GSG1: variants seen among roughly 807,000 people sequenced by gnomAD.
The protein encoded by GSG1 is germ cell associated 1.
A neutral mutation model predicts 30.8 loss-of-function variants in GSG1; 28 were observed. The ratio of observed to expected loss-of-function variants is 0.91; its 90% CI spans 0.67 to 1.25. The LOEUF (loss-of-function observed/expected upper bound fraction) is 1.25. Ranked by LOEUF, GSG1 falls within the 50% of genes most tolerant of loss-of-function variation. The pLI, the probability that GSG1 is intolerant of heterozygous loss-of-function variation, is 0.00. For synonymous variants in GSG1, 162 were observed against 178.0 expected (o/e 0.91, Z 0.71); for missense variants, 435 against 444.7 (o/e 0.98, Z 0.20).
chr12:13,089,807 T>C (rs1865907838), intron 2 of GSG1, among the ~76,000 whole-genome samples: 1 of 152,154 alleles, frequency 6.6e-6, no homozygotes, highest in Non-Finnish European at 1.5e-5. Context: ...TCTCAGCACT[T>C]TGGGAGGCCG....
intron 6 of GSG1, 80 bp from the exon 7 acceptor site, chr12:13,085,323 A>G (rs1430943193): frequency 2.3e-6 from 3 of 1,299,866 alleles, no homozygotes; most frequent in Non-Finnish European, 2.1e-6. Context: ...TCTTCCTACT[A>G]GTGGACTAGC....
chr12:13,088,029 A>G lies in GSG1; in HGVS notation c.512T>C (p.Ile171Thr). ...EILWLSLGTQITYIGLQFISF... is the reference protein window; with the variant it reads ...EILWLSLGTQTTYIGLQFISF... ...GATGAATTGAAGTCCGATGTAGGTG[A>G]TCTGCGTTCCCAGGGATAACCATAG... Residue 171 changes from isoleucine to threonine, a missense_variant, in exon 5 of 7, where the codon ATC becomes ACC. Transcript: ENST00000651961. The G allele has an allele frequency of 6.2e-7, 1 of 1,614,262 alleles. No individual in the cohort carries two copies. The highest frequency in any genetic ancestry group is 8.5e-7 in the Non-Finnish European group (1 of 1,180,038).
rs147237069 is a variant in GSG1, at chr12:13,095,643, G to C, written c.49-4825C>G. The C allele has an allele frequency of 6.4e-5, 103 of 1,614,192 alleles. 3 individuals carry two copies. In the South Asian group the frequency reaches 1.1e-3, roughly 17 times the overall value. On this transcript the variant is annotated intron_variant, in intron 1 of 6. Coordinates refer to ENST00000651961, the MANE Select transcript of GSG1 (RefSeq NM_001080555.4). ...TTGCAGCTTGTCTGGAAGAACCGAA[G>C]GATGCCATCTGCACTCCAAGTCCCT...
chr12:13,088,047 A>G lies in GSG1; in HGVS notation c.494T>C (p.Leu165Ser). ...GTAGGTGATCTGCGTTCCCAGGGATAACCATAGGATTTCTGCCAGAAACCA... is the reference window on the plus strand; with the variant it reads ...GTAGGTGATCTGCGTTCCCAGGGATGACCATAGGATTTCTGCCAGAAACCA... ...TPPAKREILW[L>S]SLGTQITYIG... The change falls in exon 5 of 7, where the codon TTA becomes TCA. Residue 165 changes from leucine to serine, a missense_variant. Leu to Ser is a moderately radical substitution (Grantham distance 145, BLOSUM62 -2). Transcript: ENST00000651961. 6.2e-7 allele frequency: 1 copy of G among 1,614,248 alleles called. No homozygotes were observed. Among genetic ancestry groups the G allele is most frequent in the Non-Finnish European group, 8.5e-7 (1 of 1,180,038 alleles).
At position 13,093,145 on chromosome 12, in the gene GSG1, A is replaced by T. The variant is rs1866323736; in HGVS notation, c.49-2327T>A. ...TGTAAAATAACATTAATACATATAA[A>T]TATATAATTATATAATTAATAATTG... On this transcript the variant is annotated intron_variant, in intron 1 of 6. Transcript: ENST00000651961. This position sits in a 1 kb window ranked among gnomAD's most constrained non-coding sequence, Gnocchi z 4.6. Among the ~76,000 whole-genome samples the T allele has an allele frequency of 6.6e-6, 1 of 151,212 alleles. No individual in the cohort carries two copies. Among genetic ancestry groups the T allele is most frequent in the Non-Finnish European group, 1.5e-5 (1 of 67,816 alleles).
chr12:13,091,423 A>G (rs1166781116), intron 1 of GSG1, among the ~76,000 whole-genome samples: 1 of 152,270 alleles, frequency 6.6e-6, no homozygotes, highest in Non-Finnish European at 1.5e-5. Context: ...AGATCAGGCC[A>G]GATGCAGTGG....
intron 3 of GSG1, 48 bp from the exon 4 acceptor site, chr12:13,088,957 T>G: frequency 6.2e-7 from 1 of 1,606,312 alleles, no homozygotes; most frequent in Non-Finnish European, 8.5e-7. Context: ...CTGGGATGGT[T>G]GGAATGAAAA....
intron 1 of GSG1, among the ~76,000 whole-genome samples, chr12:13,100,468 A>C (rs564036905): frequency 1.3e-5 from 2 of 152,338 alleles, no homozygotes; most frequent in African/African-American, 2.4e-5. Context: ...TGATGATCTC[A>C]TGAAATAGTA....
intron 2 of GSG1, among the ~76,000 whole-genome samples, chr12:13,089,705 T>C (rs575571545): frequency 6.6e-6 from 1 of 152,346 alleles, no homozygotes; most frequent in South Asian, 2.1e-4. Context: ...GGCTGTAAGA[T>C]GATCTGCTGT....
rs745875459 is a variant in GSG1 at position 13,084,987 on chromosome 12, C to T, written c.1003G>A (p.Glu335Lys). Residue 335 changes from glutamate to lysine, a missense_variant, in exon 7 of 7, where the codon GAG becomes AAG. Coordinates refer to ENST00000651961, the MANE Select transcript of GSG1 (RefSeq NM_001080555.4). ...CTTTGAAATCCCTTGTTCCGCAGCT[C>T]GGAGTAGAAGTCGACTCCCTCAGAG... ...SVSEGVDFYS[E>K]LRNKGFQRGA... is the part of the protein sequence containing the mutation. 38 of 1,553,018 alleles carry T rather than the reference C, an allele frequency of 2.4e-5. 1 individual carries two copies. Among genetic ancestry groups the T allele is most frequent in the Middle Eastern group, 3.3e-4 (2 of 6,022 alleles).
chr12:13,099,761 T>TTTTTG (rs1863049067), intron 1 of GSG1, among the ~76,000 whole-genome samples: 1 of 148,788 alleles, frequency 6.7e-6, no homozygotes, highest in Non-Finnish European at 1.5e-5. Flanking sequence ...TTTTTTTTTT[T>TTTTTG]TTTTTTTGTT....
rs191075601 is a variant in GSG1, at chr12:13,100,273, C to T, written c.48+3192G>A. 7.9e-5 allele frequency among the ~76,000 whole-genome samples: 12 copies of T among 152,268 alleles called. No individual in the cohort carries two copies. The East Asian group carries it at 1.5e-3, about 20-fold the overall frequency. ...CCTTCTGTTGCTAAAGGAAACAGGA[C>T]GCTTCTGGATTCACGTATGTAAGAG... On this transcript the variant is annotated intron_variant, in intron 1 of 6. Transcript: ENST00000651961.
intron 4 of GSG1, 84 bp downstream of exon 4, chr12:13,088,778 T>G (rs762308463): frequency 1.7e-5 from 28 of 1,613,870 alleles, no homozygotes; most frequent in Non-Finnish European, 2.1e-5. Context: ...AGGGAAGCCT[T>G]CTCCATCAAC....
chr12:13,085,128 G>A lies in GSG1; in HGVS notation c.862C>T (p.Pro288Ser), dbSNP rs1485299527. 5 of 1,614,182 alleles carry A rather than the reference G, an allele frequency of 3.1e-6. No individual in the cohort carries two copies. The highest frequency in any genetic ancestry group is 1.7e-5 in the Admixed American group (1 of 60,024). ...TGATGGTGATGTGGTAGGCAGTTCG[G>A]GTTTTCCTTGAAGCTCTTACTATGC... The part of the protein sequence containing the change: ...CKHSKSFKEN[P>S]NCLPHHHQCF... Residue 288 changes from proline (P) to serine (S), a missense_variant, in exon 7 of 7, where the codon CCG becomes TCG. Transcript: ENST00000651961.
At chr12:13,096,422 C>T (rs939062765) in intron 1 of GSG1, among the ~76,000 whole-genome samples, 15 of 147,274 alleles carry the variant, frequency 1.0e-4, no homozygotes, top group African/African-American at 2.3e-4. Context: ...TGCAGTGAGC[C>T]GAGACTGCGC....
At chr12:13,088,677 T>TATCA in intron 4 of GSG1, 185 bp downstream of exon 4, 1 of 1,478,784 alleles carries the variant, frequency 6.8e-7, no homozygotes, top group Non-Finnish European at 9.3e-7. Flanking sequence ...CACAGTGCAG[T>TATCA]TTAGATCCGG....
chr12:13,083,838 T>C lies in GSG1; in HGVS notation c.*1063A>G, dbSNP rs1865291784. ...CTCAGAATGATGGTTTCCAGCTTCA[T>C]CCATGTCCCTACAAAGGGCATAAAC... is the stretch of plus-strand genomic sequence containing the variant. On this transcript the variant is annotated 3_prime_UTR_variant, in exon 7 of 7. Coordinates refer to ENST00000651961, the MANE Select transcript of GSG1 (RefSeq NM_001080555.4). The C allele has an allele frequency of 6.6e-6, 1 of 152,108 alleles. No homozygotes were observed. Among genetic ancestry groups the C allele is most frequent in the Non-Finnish European group, 1.5e-5 (1 of 68,040 alleles). 9.4% of individuals were successfully genotyped at this position (152,108 alleles called of 1,614,324 possible).
chr12:13,086,034 G>T (rs1474037997), intron 6 of GSG1, among the ~76,000 whole-genome samples: 1 of 152,214 alleles, frequency 6.6e-6, no homozygotes, highest in Non-Finnish European at 1.5e-5. Context: ...GTTCTGGGAA[G>T]CTCAGGAAAC....
chr12:13,087,851 A>G, intron 5 of GSG1, 56 bp downstream of exon 5: 2 of 1,577,258 alleles, frequency 1.3e-6, no homozygotes, highest in Non-Finnish European at 1.7e-6. Context: ...CCCTCCAGCT[A>G]GGGCTTCAAA....
Sources: allele counts gnomAD v4.1 joint callset (sites outside exome capture counted in the v4.1 genomes callset), GRCh38; gene constraint gnomAD v4.1.1; non-coding constraint Gnocchi (gnomAD v3.1); transcripts MANE v1.5; gene names NCBI Gene and HGNC (gene_info 2026-07-23, HGNC 2026-07-21).